Variants in BPNT2 observed in about 807,000 individuals in gnomAD.
The protein encoded by BPNT2 is 3'(2'), 5'-bisphosphate nucleotidase 2.
In BPNT2, 11 loss-of-function variants were observed where a neutral mutation model predicts 29.3. The ratio of observed to expected loss-of-function variants is 0.38; its 90% CI spans 0.24 to 0.62. The LOEUF is 0.62. Among genes scored for constraint, BPNT2 ranks in the 20% least tolerant of loss-of-function variants. The pLI is 0.62. For missense variants in BPNT2, 459 were observed against 473.4 expected, an observed-to-expected ratio of 0.97 and a Z score of 0.28; for synonymous variants, 195 against 187.7, an observed-to-expected ratio of 1.04 and a Z score of -0.32.
At chr8:56,965,666 G>C (rs560344010) in intron 4 of BPNT2, among the ~76,000 whole-genome samples, 1 of 152,274 alleles carries the variant, frequency 6.6e-6, no homozygotes, top group East Asian at 1.9e-4. Context: ...CAAAAAACTA[G>C]GTTGACTATA....
intron 1 of BPNT2, among the ~76,000 whole-genome samples, chr8:56,982,819 T>C (rs1344663102): frequency 6.6e-6 from 1 of 152,216 alleles, no homozygotes; most frequent in Non-Finnish European, 1.5e-5. Flanking sequence ...ATCAGAAAAC[T>C]ACTAATTCCA....
At chr8:56,979,883 G>C in intron 2 of BPNT2, 152 bp downstream of exon 2, 1 of 687,662 alleles carries the variant, frequency 1.5e-6, no homozygotes, top group Non-Finnish European at 2.6e-6. Flanking sequence ...TCAATTATAG[G>C]TGTCCAATAT....
chr8:56,982,762 G>A (rs909918684), intron 1 of BPNT2, among the ~76,000 whole-genome samples: 1 of 152,258 alleles, frequency 6.6e-6, no homozygotes, highest in Non-Finnish European at 1.5e-5. Flanking sequence ...AAAAGGGGTA[G>A]ATAGTATTAA....
chr8:56,993,526 C>A lies in BPNT2; in HGVS notation c.60G>T (p.Gly20=). ...AGTAGAGGTGGTAGAGCACGCCGAG[C>A]CCCAGCAGGCAAAACACTGCCACCC... ...PLGVAVFCLL[G]LGVLYHLYSG... Residue 20 remains glycine (G), a synonymous_variant, in exon 1 of 5, where the codon GGG becomes GGT. Coordinates refer to ENST00000262644, the MANE Select transcript of BPNT2 (RefSeq NM_017813.5). The A allele has an allele frequency of 2.7e-6, 4 of 1,495,302 alleles. No homozygotes were observed. The highest frequency in any genetic ancestry group is 3.6e-6 in the Non-Finnish European group (4 of 1,122,552). 92.6% of individuals were successfully genotyped at this position (1,495,302 alleles called of 1,614,324 possible).
intron 3 of BPNT2, chr8:56,967,076 C>T (rs1352264567): frequency 7.0e-6 from 3 of 428,818 alleles, no homozygotes; most frequent in Non-Finnish European, 9.5e-6. Flanking sequence ...GTTTTCTTCA[C>T]TGACTATAAA....
At position 56,993,679 on chromosome 8, in the gene BPNT2, G is replaced by A. The variant is rs975239140; in HGVS notation, c.-94C>T. ...GCAGCCGCCGCGCTCCGGGCCAGGC[G>A]CCGCGCGGGCTACACTGGCGCCCGC... On this transcript the variant is annotated 5_prime_UTR_variant, in exon 1 of 5. Transcript: ENST00000262644. 2.8e-6 allele frequency: 3 copies of A among 1,081,336 alleles called. No homozygotes were observed. Among genetic ancestry groups the A allele is most frequent in the Non-Finnish European group, 2.2e-6 (2 of 895,998 alleles). The allele number at this position is 1,081,336 out of a possible 1,614,324, so 67.0% of individuals were successfully genotyped here.
At chr8:56,971,338 CA>C (rs1806027134) in intron 3 of BPNT2, among the ~76,000 whole-genome samples, 1 of 149,908 alleles carries the variant, frequency 6.7e-6, no homozygotes, top group East Asian at 2.0e-4. Flanking sequence ...ACACCTACTT[CA>C]GAAATAACAA....
At chr8:56,964,345 C>G in intron 4 of BPNT2, 1 of 279,756 alleles carries the variant, frequency 3.6e-6, no homozygotes. Context: ...GTCACTCAGG[C>G]TGGAGTGCAA....
At chr8:56,983,881 G>T (rs1027772059) in intron 1 of BPNT2, among the ~76,000 whole-genome samples, 2 of 152,058 alleles carry the variant, frequency 1.3e-5, no homozygotes, top group African/African-American at 4.8e-5. Flanking sequence ...TCATGGTGTG[G>T]TGACTTACCT....
At chr8:56,993,162 C>T (rs1251794766) in intron 1 of BPNT2, 37 bp downstream of exon 1, 2 of 1,575,360 alleles carry the variant, frequency 1.3e-6, no homozygotes, top group East Asian at 4.6e-5. Flanking sequence ...AGACGCGCTA[C>T]CCGGCTCGAG....
In BPNT2 at chr8:56,961,277, TG is replaced by T. The variant is rs1399516594; in HGVS notation, c.*2515del. 6.6e-6 allele frequency: 1 copy of T among 152,250 alleles called. No homozygotes were observed. The highest frequency in any genetic ancestry group is 1.5e-5 in the Non-Finnish European group (1 of 68,042). 9.4% of individuals were successfully genotyped at this position (152,250 alleles called of 1,614,324 possible). ...TTTAGAAATAATTTTAATGTAATTC[TG>T]GGAGATAACATTACTCATTCATGAA... On this transcript the variant is annotated 3_prime_UTR_variant, in exon 5 of 5. Transcript: ENST00000262644.
At chr8:56,984,000 A>G (rs1429555318) in intron 1 of BPNT2, among the ~76,000 whole-genome samples, 1 of 152,168 alleles carries the variant, frequency 6.6e-6, no homozygotes, top group South Asian at 2.1e-4. Flanking sequence ...ATGAATGAAG[A>G]TAACAGTAAC....
rs1806456917 is a variant in BPNT2, at chr8:56,993,593, G to A, written c.-8C>T. 1.6e-5 allele frequency: 23 copies of A among 1,423,458 alleles called. No individual in the cohort carries two copies. The highest frequency in any genetic ancestry group is 2.1e-5 in the Non-Finnish European group (23 of 1,083,748). 88.2% of individuals were successfully genotyped at this position (1,423,458 alleles called of 1,614,324 possible). ...GATGCCCATGGGGGCCATGGCGTGG[G>A]AAGCCGGGCGCTCCGGGCTGCGGCT... On this transcript the variant is annotated 5_prime_UTR_variant, in exon 1 of 5. Coordinates refer to ENST00000262644, the MANE Select transcript of BPNT2 (RefSeq NM_017813.5).
rs1279882226 is a variant in BPNT2 at position 56,959,016 on chromosome 8, T to C, written c.*4777A>G. The C allele has an allele frequency of 6.6e-6, 1 of 152,254 alleles. No homozygotes were observed. Among genetic ancestry groups the C allele is most frequent in the African/African-American group, 2.4e-5 (1 of 41,468 alleles). The allele number at this position is 152,254 out of a possible 1,614,324, so 9.4% of individuals were successfully genotyped here. Reference sequence around the variant, plus strand: ...AAACACAGAATGAGCAAGTCATTCCTGAACAAAAATTTACTGTGTGTATAA... The same window carrying C: ...AAACACAGAATGAGCAAGTCATTCCCGAACAAAAATTTACTGTGTGTATAA... On this transcript the variant is annotated 3_prime_UTR_variant, in exon 5 of 5. Coordinates refer to ENST00000262644, the MANE Select transcript of BPNT2 (RefSeq NM_017813.5).
chr8:56,987,984 T>G (rs569615247), intron 1 of BPNT2, among the ~76,000 whole-genome samples: 1 of 152,218 alleles, frequency 6.6e-6, no homozygotes, highest in African/African-American at 2.4e-5. Flanking sequence ...CGCCTCGGCC[T>G]CCCAAAGTAC....
intron 3 of BPNT2, among the ~76,000 whole-genome samples, chr8:56,977,651 A>G (rs1452774977): frequency 2.0e-5 from 3 of 152,112 alleles, no homozygotes; most frequent in African/African-American, 7.2e-5. Flanking sequence ...AGGTCACACT[A>G]GAGTAGGGTG....
intron 1 of BPNT2, among the ~76,000 whole-genome samples, chr8:56,992,563 T>C (rs1806434703): frequency 6.6e-6 from 1 of 152,168 alleles, no homozygotes; most frequent in Non-Finnish European, 1.5e-5. Flanking sequence ...AATATGGATC[T>C]TTAATCAAGG....
Position 56,967,686 on chromosome 8 carries a change from C to T in BPNT2, c.647-1334G>A, listed in dbSNP as rs117648346. Among the ~76,000 whole-genome samples, 647 of 152,252 alleles carry T rather than the reference C, an allele frequency of 4.2e-3. 3 individuals are homozygous for T. The highest frequency in any genetic ancestry group is 7.1e-3 in the Non-Finnish European group (481 of 68,016). ...GGGACCAGAATTGTAGTCTTGAGAA[C>T]ACCCTGGTGGCAGCAAGGGAGGGGA... On this transcript the variant is annotated intron_variant, in intron 3 of 4. Transcript: ENST00000262644.
Position 56,966,335 on chromosome 8 carries a change from C to T in BPNT2, c.664G>A (p.Gly222Ser). The T allele has an allele frequency of 6.2e-7, 1 of 1,613,920 alleles. No individual in the cohort carries two copies. The change falls in exon 4 of 5, where the codon GGT becomes AGT. Residue 222 changes from glycine to serine, a missense_variant. Physicochemically the swap from Gly to Ser is moderately conservative, Grantham distance 56. Transcript: ENST00000262644. ...GAGCGGGCTTTCACATTTGAACCAC[C>T]ATCTACCATTGCCCAAGCTGAAAAG... ...SEYTAWAMVD[G>S]GSNVKARSSY...
Sources: allele counts gnomAD v4.1 joint callset (sites outside exome capture counted in the v4.1 genomes callset), GRCh38; gene constraint gnomAD v4.1.1; transcripts MANE v1.5; gene names NCBI Gene and HGNC (gene_info 2026-07-23, HGNC 2026-07-21).